Variants in MACROD2 observed in about 807,000 individuals in gnomAD.
The protein encoded by MACROD2 is mono-ADP ribosylhydrolase 2.
In MACROD2, 36 loss-of-function variants were observed where a neutral mutation model predicts 70.4. The observed-to-expected ratio is 0.51, with a 90% confidence interval of 0.39 to 0.68. The LOEUF (loss-of-function observed/expected upper bound fraction) is 0.68, where lower values mean the gene tolerates loss of function less well. Ranked by LOEUF, MACROD2 falls within the 30% of genes least tolerant of loss-of-function variation. MACROD2 has a pLI of 0.00. For synonymous variants in MACROD2, 172 were observed against 178.8 expected (o/e 0.96, Z 0.30); for missense variants, 496 against 538.4 (o/e 0.92, Z 0.78).
intron 5 of MACROD2, among the ~76,000 whole-genome samples, chr20:15,154,595 T>G (rs925503474): frequency 1.4e-4 from 22 of 152,198 alleles, no homozygotes; most frequent in African/African-American, 5.3e-4. Flanking sequence ...GCCAGCAAGC[T>G]CAAGTTCTAG....
intron 5 of MACROD2, among the ~76,000 whole-genome samples, chr20:15,062,514 C>T (rs1464959190): frequency 6.6e-6 from 1 of 151,624 alleles, no homozygotes; most frequent in Non-Finnish European, 1.5e-5. Flanking sequence ...AAATGAAGTA[C>T]TTATCATGAT....
At chr20:15,277,578 G>T (rs184990759) in intron 6 of MACROD2, among the ~76,000 whole-genome samples, 22 of 152,322 alleles carry the variant, frequency 1.4e-4, no homozygotes, top group African/African-American at 5.3e-4. Context: ...GTTCTAGGCT[G>T]GGGCCTGAGA....
At chr20:14,917,228 G>A (rs952708109) in intron 5 of MACROD2, among the ~76,000 whole-genome samples, 3 of 149,618 alleles carry the variant, frequency 2.0e-5, no homozygotes, top group East Asian at 1.9e-4. Context: ...CCCTCCCAGC[G>A]GAGGCCTGAG....
intron 3 of MACROD2, among the ~76,000 whole-genome samples, chr20:14,463,648 C>T (rs1273268554): frequency 6.6e-6 from 1 of 152,062 alleles, no homozygotes; most frequent in African/African-American, 2.4e-5. Flanking sequence ...TTTGCCCATT[C>T]AGTATGATAT....
intron 7 of MACROD2, among the ~76,000 whole-genome samples, chr20:15,482,733 T>C (rs1260860998): frequency 6.6e-6 from 1 of 152,192 alleles, no homozygotes; most frequent in Middle Eastern, 3.2e-3. Flanking sequence ...GCATTCGGTA[T>C]TGTCAGTGTT....
At chr20:14,193,189 A>T (rs1486700730) in intron 3 of MACROD2, among the ~76,000 whole-genome samples, 2 of 152,328 alleles carry the variant, frequency 1.3e-5, no homozygotes, top group African/African-American at 4.8e-5. Flanking sequence ...ACCCATTCTT[A>T]ACCATTCATT....
chr20:15,301,591 CTTTTTTTT>C (rs71340214), intron 6 of MACROD2, among the ~76,000 whole-genome samples: 2 of 81,250 alleles, frequency 2.5e-5, no homozygotes, highest in East Asian at 3.3e-4. Flanking sequence ...GGTAGGTGGC[CTTTTTTTT>C]TTTTTTTTTT....
intron 7 of MACROD2, among the ~76,000 whole-genome samples, chr20:15,432,809 T>C (rs2046379447): frequency 6.6e-6 from 1 of 152,070 alleles, no homozygotes; most frequent in African/African-American, 2.4e-5. Context: ...TATGTTTTAC[T>C]TCTGAGAATC....
intron 9 of MACROD2, 143 bp from the exon 10 acceptor site, chr20:15,885,621 C>G: frequency 1.5e-6 from 1 of 686,474 alleles, no homozygotes; most frequent in Non-Finnish European, 2.1e-6. Context: ...AATAATAAGA[C>G]AACAGAAATG....
chr20:14,855,750 C>T (rs416027), intron 5 of MACROD2, among the ~76,000 whole-genome samples: 5 of 151,340 alleles, frequency 3.3e-5, no homozygotes, highest in South Asian at 4.2e-4. Context: ...TAGCATGAAA[C>T]GAGACTAAAT....
At chr20:14,842,343 G>A (rs1207555237) in intron 5 of MACROD2, among the ~76,000 whole-genome samples, 2 of 152,028 alleles carry the variant, frequency 1.3e-5, no homozygotes, top group Non-Finnish European at 2.9e-5. Context: ...GAATTTTGGA[G>A]GGGACATTCA....
chr20:15,274,111 G>A (rs922680548), intron 6 of MACROD2, among the ~76,000 whole-genome samples: 2 of 152,136 alleles, frequency 1.3e-5, no homozygotes, highest in African/African-American at 4.8e-5. Flanking sequence ...AAGAAGACAT[G>A]GGGAAAGGTG....
At chr20:15,598,793 A>G (rs547551831) in intron 8 of MACROD2, among the ~76,000 whole-genome samples, 1 of 152,302 alleles carries the variant, frequency 6.6e-6, no homozygotes, top group South Asian at 2.1e-4. Context: ...GCCATCCAAT[A>G]AAAATACAGG....
At chr20:14,171,946 C>T (rs1412635267) in intron 3 of MACROD2, among the ~76,000 whole-genome samples, 1 of 152,146 alleles carries the variant, frequency 6.6e-6, no homozygotes, top group African/African-American at 2.4e-5. Flanking sequence ...TAAAGTCCCA[C>T]AGTATTATTG....
rs191170691 is a variant in MACROD2 at position 15,157,209 on chromosome 20, C to T, written c.419-72731C>T. On this transcript the variant is annotated intron_variant, in intron 5 of 17. Coordinates refer to ENST00000684519, the MANE Select transcript of MACROD2 (RefSeq NM_001351661.2). ...AACAGTCTCAGCGGCTTGTGAGGAA[C>T]GGCTCTCTGGAATTGGAGACAGCCT... Among the ~76,000 whole-genome samples the T allele has an allele frequency of 1.2e-3, 179 of 152,234 alleles. 1 individual carries two copies. Among genetic ancestry groups the T allele is most frequent in the African/African-American group, 3.6e-3 (151 of 41,574 alleles).
chr20:15,533,664 T>C (rs1259024526), intron 8 of MACROD2, among the ~76,000 whole-genome samples: 2 of 152,048 alleles, frequency 1.3e-5, no homozygotes, highest in African/African-American at 2.4e-5. Context: ...AAGCATCCTG[T>C]AGGTACTTTG....
chr20:14,290,137 T>C (rs1373672210), intron 3 of MACROD2, among the ~76,000 whole-genome samples: 1 of 152,146 alleles, frequency 6.6e-6, no homozygotes, highest in South Asian at 2.1e-4. Context: ...TTTCTAGTGC[T>C]GTATGTATAA....
intron 12 of MACROD2, among the ~76,000 whole-genome samples, chr20:15,941,636 A>G (rs1386644541): frequency 6.6e-6 from 1 of 152,162 alleles, no homozygotes; most frequent in African/African-American, 2.4e-5. Flanking sequence ...CATCTGGGCT[A>G]TTTTAGAGCT....
At chr20:15,282,162 T>C (rs2077451572) in intron 6 of MACROD2, among the ~76,000 whole-genome samples, 1 of 152,160 alleles carries the variant, frequency 6.6e-6, no homozygotes, top group Admixed American at 6.5e-5. Flanking sequence ...TGAAACCATG[T>C]TTTCCTCCTA....
Sources: gnomAD v4.1 joint callset for allele counts (sites outside exome capture counted in the v4.1 genomes callset) on GRCh38, gnomAD v4.1.1 for gene constraint, MANE v1.5 for transcripts, NCBI Gene and HGNC (gene_info 2026-07-23, HGNC 2026-07-21) for gene names.